MEI1: variants seen among roughly 807,000 people sequenced by gnomAD.
MEI1 encodes meiosis inhibitor protein 1.
A neutral mutation model predicts 146.2 loss-of-function variants in MEI1; 103 were observed. That is an observed-to-expected ratio of 0.70 (90% CI 0.60 to 0.83). The LOEUF is 0.83. Ranked by LOEUF, MEI1 falls within the 40% of genes least tolerant of loss-of-function variation. The pLI, the probability that MEI1 is intolerant of heterozygous loss-of-function variation, is 0.00. For synonymous variants in MEI1, 652 were observed against 628.2 expected (o/e 1.04, Z -0.57); for missense variants, 1,529 against 1,533.0 (o/e 1.00, Z 0.04).
intron 26 of MEI1, among the ~76,000 whole-genome samples, chr22:41,790,262 T>G (rs7292780): frequency 0.11 from 16,136 of 152,044 alleles, 1,046 homozygotes; most frequent in South Asian, 0.2. Context: ...TTTTGTATGT[T>G]TAGTAGAGAC....
Position 41,770,887 on chromosome 22 carries a change from C to T in MEI1, c.2470C>T (p.Pro824Ser). The change falls in exon 20 of 31, where the codon CCC becomes TCC. Residue 824 changes from proline (P) to serine (S), a missense_variant. Around this residue, in one of 3 missense-constraint regions of MEI1, gnomAD observed 1,212 missense variants for 1,178.9 expected, o/e 1.03. Coordinates refer to ENST00000401548, the MANE Select transcript of MEI1 (RefSeq NM_152513.4). Reference protein sequence around the residue: ...ELDDVTSAGQPALPASLVVLF... With the variant: ...ELDDVTSAGQSALPASLVVLF... Reference sequence around the variant, plus strand: ...GGATGATGTCACCTCTGCTGGGCAGCCCGCCCTTCCTGCCAGCTTAGTAGT... The same window carrying T: ...GGATGATGTCACCTCTGCTGGGCAGTCCGCCCTTCCTGCCAGCTTAGTAGT... 1 of 1,614,024 alleles carries T rather than the reference C, an allele frequency of 6.2e-7. No individual in the cohort carries two copies. The highest frequency in any genetic ancestry group is 8.5e-7 in the Non-Finnish European group (1 of 1,179,900).
chr22:41,729,840 C>A, intron 8 of MEI1, 61 bp downstream of exon 8: 1 of 1,097,402 alleles, frequency 9.1e-7, no homozygotes, highest in Non-Finnish European at 1.3e-6. Flanking sequence ...GTGACAGGTT[C>A]AATTGTGTAT....
chr22:41,714,114 C>A lies in MEI1; in HGVS notation c.423+39C>A, dbSNP rs750114492. The A allele has an allele frequency of 7.1e-6, 11 of 1,540,982 alleles. No individual in the cohort carries two copies. The South Asian group carries it at 1.3e-4, about 18-fold the overall frequency. ...TATGGGTTCTTGAGTCTCTCAGAAT[C>A]CTCAGATGTCAGAGCTGGGTCAACC... On this transcript the variant is annotated intron_variant, in intron 4 of 30. Transcript: ENST00000401548.
chr22:41,707,253 AC>A (rs1328530002), intron 3 of MEI1, among the ~76,000 whole-genome samples: 1 of 152,034 alleles, frequency 6.6e-6, no homozygotes, highest in Non-Finnish European at 1.5e-5. Context: ...AAAGAGAACA[AC>A]CAAATTTTCA....
chr22:41,795,825 C>A lies in MEI1; in HGVS notation c.3757C>A (p.Gln1253Lys). ...EGLPPSTSSG[Q>K]PPLQDMLCLG... ...CCTTCCCCCTAGCACCTCCTCAGGCCAGCCACCCCTGCAGGACATGCTGTA... is the reference window on the plus strand; with the variant it reads ...CCTTCCCCCTAGCACCTCCTCAGGCAAGCCACCCCTGCAGGACATGCTGTA... The change falls in exon 30 of 31, where the codon CAG becomes AAG. Residue 1253 changes from glutamine (Q) to lysine (K), a missense_variant. Gln to Lys is a moderately conservative substitution (Grantham distance 53). Coordinates refer to ENST00000401548, the MANE Select transcript of MEI1 (RefSeq NM_152513.4). The surrounding 1 kb of genome is among the most constrained non-coding windows in gnomAD (Gnocchi z 4.2). 1 of 1,613,678 alleles carries A rather than the reference C, an allele frequency of 6.2e-7. No individual in the cohort carries two copies. The highest frequency in any genetic ancestry group is 8.5e-7 in the Non-Finnish European group (1 of 1,179,766).
intron 5 of MEI1, among the ~76,000 whole-genome samples, chr22:41,716,751 G>A (rs1344876097): frequency 1.4e-5 from 2 of 144,436 alleles, no homozygotes; most frequent in East Asian, 2.1e-4. Flanking sequence ...GTGCAGTGGC[G>A]CGATCTCGGC....
intron 6 of MEI1, among the ~76,000 whole-genome samples, chr22:41,721,804 T>C (rs2070847601): frequency 7.8e-6 from 1 of 128,908 alleles, no homozygotes; most frequent in South Asian, 2.6e-4. Context: ...CACTGCAACC[T>C]CTGCCTCCCG....
intron 18 of MEI1, among the ~76,000 whole-genome samples, chr22:41,760,328 GAAT>G (rs1475825738): frequency 6.7e-6 from 1 of 150,254 alleles, no homozygotes; most frequent in Non-Finnish European, 1.5e-5. Flanking sequence ...ATAAAAAAAA[GAAT>G]AAAAAAAATA....
intron 26 of MEI1, 24 bp from the exon 27 acceptor site, chr22:41,793,805 G>GTTTTTT: frequency 7.4e-7 from 1 of 1,354,152 alleles, no homozygotes; most frequent in Non-Finnish European, 1.0e-6. Flanking sequence ...AACCTGACCT[G>GTTTTTT]ATTTTTTTTT....
At chr22:41,742,844 A>C (rs1447207777) in intron 11 of MEI1, among the ~76,000 whole-genome samples, 1 of 152,096 alleles carries the variant, frequency 6.6e-6, no homozygotes, top group Non-Finnish European at 1.5e-5. Context: ...GGGTTTCACC[A>C]TGTTGCCCAG....
At chr22:41,713,132 T>G (rs1257710094) in intron 3 of MEI1, among the ~76,000 whole-genome samples, 1 of 152,090 alleles carries the variant, frequency 6.6e-6, no homozygotes, top group East Asian at 1.9e-4. Flanking sequence ...TTTTTAAAGC[T>G]TCCTAGGTGA....
chr22:41,724,885 C>T (rs965779579), intron 7 of MEI1, among the ~76,000 whole-genome samples: 2 of 151,884 alleles, frequency 1.3e-5, no homozygotes, highest in African/African-American at 4.8e-5. Flanking sequence ...CTCACTGCAG[C>T]CTCAACCTCC....
At position 41,795,626 on chromosome 22, in the gene MEI1, ACAG is replaced by A; in HGVS notation, c.3666+87_3666+89del. On this transcript the variant is annotated intron_variant, in intron 29 of 30. Coordinates refer to ENST00000401548, the MANE Select transcript of MEI1 (RefSeq NM_152513.4). This position sits in a 1 kb window ranked among gnomAD's most constrained non-coding sequence, Gnocchi z 4.2. ...CTCTTGGAGGGTGGGAGCTCTGGCC[ACAG>A]CAACCAAGGAATGGGAGGAGGGAAG... The A allele has an allele frequency of 3.8e-6, 6 of 1,598,636 alleles. No individual in the cohort carries two copies. The South Asian group carries it at 5.6e-5, about 15-fold the overall frequency.
chr22:41,763,075 C>A, intron 18 of MEI1, 99 bp from the exon 19 acceptor site: 3 of 1,357,650 alleles, frequency 2.2e-6, no homozygotes, highest in Non-Finnish European at 3.0e-6. Context: ...CATATTGGGG[C>A]AGGACAGTGG....
chr22:41,699,821 C>A (rs971677408), intron 1 of MEI1, 109 bp downstream of exon 1: 11 of 1,324,272 alleles, frequency 8.3e-6, no homozygotes, highest in Non-Finnish European at 1.0e-5. Flanking sequence ...CGAAACCGGG[C>A]CCCCGCGCTG....
chr22:41,748,805 CTT>C (rs958065410), intron 15 of MEI1, among the ~76,000 whole-genome samples: 3 of 143,382 alleles, frequency 2.1e-5, no homozygotes, highest in Admixed American at 7.0e-5. Flanking sequence ...GTAGAACATG[CTT>C]TTTTTTTTTT....
chr22:41,753,243 C>G lies in MEI1; in HGVS notation c.1853+592C>G, dbSNP rs572044718. On this transcript the variant is annotated intron_variant, in intron 16 of 30. Coordinates refer to ENST00000401548, the MANE Select transcript of MEI1 (RefSeq NM_152513.4). ...TCTCAAACTCCTGACTTGAGGTGATCCGCCCGCCTTGGCCTCCCAGAGTGC... is the reference window on the plus strand; with the variant it reads ...TCTCAAACTCCTGACTTGAGGTGATGCGCCCGCCTTGGCCTCCCAGAGTGC... Among the ~76,000 whole-genome samples the G allele has an allele frequency of 4.6e-5, 7 of 152,136 alleles. No individual in the cohort carries two copies. The South Asian group carries it at 1.5e-3, about 32-fold the overall frequency.
At chr22:41,767,572 T>A (rs1374730215) in intron 19 of MEI1, 1 of 455,954 alleles carries the variant, frequency 2.2e-6, no homozygotes, top group South Asian at 1.5e-5. Context: ...CTCTTCCTTT[T>A]CAGCAACTTC....
chr22:41,751,680 G>T lies in MEI1; in HGVS notation c.1793-911G>T, dbSNP rs565035792. ...CCAGCTACTCAGGAGGCTGAGGCAG[G>T]AGACTCGCTTGAACCTGCGAGGCGG... On this transcript the variant is annotated intron_variant, in intron 15 of 30. Transcript: ENST00000401548. Among the ~76,000 whole-genome samples the T allele has an allele frequency of 8.6e-5, 13 of 151,946 alleles. No individual in the cohort carries two copies. In the East Asian group the frequency reaches 2.5e-3, roughly 30 times the overall value.
Sources: allele counts gnomAD v4.1 joint callset (sites outside exome capture counted in the v4.1 genomes callset), GRCh38; gene constraint gnomAD v4.1.1; regional missense constraint gnomAD v4.1.1; non-coding constraint Gnocchi (gnomAD v3.1); transcripts MANE v1.5; gene names NCBI Gene and HGNC (gene_info 2026-07-23, HGNC 2026-07-21).